ZNF276: variants seen among roughly 807,000 people sequenced by gnomAD.
ZNF276 encodes zinc finger protein 276.
A neutral mutation model predicts 63.9 loss-of-function variants in ZNF276; 59 were observed. The ratio of observed to expected loss-of-function variants is 0.92; its 90% confidence interval spans 0.75 to 1.15. The LOEUF is 1.15. Ranked by LOEUF, ZNF276 falls within the 50% of genes most tolerant of loss-of-function variation. ZNF276 has a pLI of 0.00. For synonymous variants in ZNF276, 496 were observed against 348.4 expected (o/e 1.42, Z -4.72); for missense variants, 1,084 against 843.8 (o/e 1.28, Z -3.53).
Position 89,738,331 on chromosome 16 carries a change from G to C in ZNF276, c.*85G>C, listed in dbSNP as rs1425905846. The C allele has an allele frequency of 1.3e-6, 2 of 1,498,136 alleles. No individual in the cohort carries two copies. Among genetic ancestry groups the C allele is most frequent in the Admixed American group, 2.1e-5 (1 of 48,346 alleles). 92.8% of individuals were successfully genotyped at this position (1,498,136 alleles called of 1,614,324 possible). ...TCACCCTTCGTGTGCACCCGCATGG[G>C]AGGGTCGGAGGGTGCTGCCCGCCCT... On this transcript the variant is annotated 3_prime_UTR_variant, in exon 11 of 11. Transcript: ENST00000443381.
intron 4 of ZNF276, among the ~76,000 whole-genome samples, chr16:89,724,876 C>T (rs147921746): frequency 7.2e-4 from 110 of 152,318 alleles, no homozygotes; most frequent in African/African-American, 2.1e-3. Flanking sequence ...ATCTACCTAC[C>T]TATCTGTATA....
At chr16:89,730,300 G>A (rs2061604322) in intron 6 of ZNF276, among the ~76,000 whole-genome samples, 1 of 152,150 alleles carries the variant, frequency 6.6e-6, no homozygotes, top group Non-Finnish European at 1.5e-5. Context: ...TCATGGCTGG[G>A]AGTGCCGCCT....
At chr16:89,736,698 G>A (rs1227781003) in intron 9 of ZNF276, among the ~76,000 whole-genome samples, 1 of 150,436 alleles carries the variant, frequency 6.6e-6, no homozygotes, top group African/African-American at 2.4e-5. Flanking sequence ...GAGAGGTTGA[G>A]GCAGGAGGAT....
chr16:89,733,182 G>A, intron 6 of ZNF276, 120 bp from the exon 7 acceptor site: 2 of 942,724 alleles, frequency 2.1e-6, no homozygotes, highest in South Asian at 1.6e-5. Flanking sequence ...CTGAGGGTCA[G>A]TCAGCACAGA....
At chr16:89,720,400 A>G, upstream of ZNF276, 1 of 1,005,182 alleles carries the variant, frequency 9.9e-7, no homozygotes, top group Non-Finnish European at 1.2e-6. Flanking sequence ...CAACCGGATT[A>G]AATCTACCAT....
chr16:89,735,695 G>T (rs1045513096), intron 9 of ZNF276, among the ~76,000 whole-genome samples: 1 of 152,066 alleles, frequency 6.6e-6, no homozygotes, highest in South Asian at 2.1e-4. Flanking sequence ...ACATAGTGAG[G>T]CCGTCTTTAC....
intron 5 of ZNF276, 115 bp from the exon 6 acceptor site, chr16:89,729,117 CAGA>C: frequency 1.2e-6 from 1 of 813,620 alleles, no homozygotes; most frequent in East Asian, 2.5e-5. Context: ...AAGACATTTT[CAGA>C]AGAACTCAAA....
In ZNF276 at chr16:89,723,157, C is replaced by T. The variant is rs141480299; in HGVS notation, c.530C>T (p.Thr177Ile). The T allele has an allele frequency of 7.4e-6, 12 of 1,613,140 alleles. No individual in the cohort carries two copies. Among genetic ancestry groups the T allele is most frequent in the Non-Finnish European group, 1.0e-5 (12 of 1,180,044 alleles). ...PCAKVGAQPP[T>I]GAEEGACLVD... Reference sequence around the variant, plus strand: ...TGCAGGGTCGGTGCCCAGCCCCCAACAGGGGCAGAGGAGGGAGCGTGTCTG... The same window carrying T: ...TGCAGGGTCGGTGCCCAGCCCCCAATAGGGGCAGAGGAGGGAGCGTGTCTG... Residue 177 changes from threonine to isoleucine, a missense_variant, in exon 3 of 11, where the codon ACA becomes ATA. Transcript: ENST00000443381.
At chr16:89,735,291 G>T (rs941446294) in intron 9 of ZNF276, among the ~76,000 whole-genome samples, 1 of 151,418 alleles carries the variant, frequency 6.6e-6, no homozygotes, top group African/African-American at 2.4e-5. Flanking sequence ...GTAAGGGGTG[G>T]GGGGGGGCCT....
chr16:89,720,842 TC>T (rs1420411881), upstream of ZNF276: 10 of 1,425,710 alleles, frequency 7.0e-6, no homozygotes, highest in South Asian at 2.8e-5. Flanking sequence ...CACCGTGCCG[TC>T]CCCGGCCGCA....
intron 8 of ZNF276, 97 bp downstream of exon 8, chr16:89,733,654 C>T: frequency 7.1e-7 from 1 of 1,406,528 alleles, no homozygotes; most frequent in South Asian, 1.2e-5. Context: ...GACTTGCGCC[C>T]AAGGACACTT....
intron 6 of ZNF276, 51 bp from the exon 7 acceptor site, chr16:89,733,251 T>C: frequency 6.5e-7 from 1 of 1,538,288 alleles, no homozygotes; most frequent in Non-Finnish European, 8.9e-7. Context: ...CAAAAAACAT[T>C]TTGCAAATGG....
rs1353422592 is a variant in ZNF276 at position 89,721,683 on chromosome 16, T to C, written c.43T>C (p.Ser15Pro). The C allele has an allele frequency of 1.4e-6, 2 of 1,429,150 alleles. No individual in the cohort carries two copies. The highest frequency in any genetic ancestry group is 1.8e-6 in the Non-Finnish European group (2 of 1,094,936). 88.5% of individuals were successfully genotyped at this position (1,429,150 alleles called of 1,614,324 possible). A position where few individuals can be genotyped will look rare whatever the true frequency, so the allele number is the denominator to read the frequency against. Residue 15 changes from serine (S) to proline (P), a missense_variant, in exon 1 of 11, where the codon TCC (serine) becomes CCC (proline). By Grantham distance (74) the Ser-to-Pro change is moderately conservative. Transcript: ENST00000443381. ...RLGRFLSPGS[S>P]RQCGASDGGG... ...GGGCCGCTTCCTGTCTCCTGGGTCG[T>C]CCCGACAGTGCGGGGCCTCGGACGG...
At chr16:89,720,962 G>A (rs2061249862), upstream of ZNF276, 1 of 1,128,262 alleles carries the variant, frequency 8.9e-7, no homozygotes, top group Non-Finnish European at 1.1e-6. Flanking sequence ...CCCGAGCAGC[G>A]GACCGCAGGA....
intron 4 of ZNF276, 130 bp from the exon 5 acceptor site, chr16:89,727,149 G>C (rs1416067116): frequency 4.2e-6 from 4 of 961,364 alleles, no homozygotes; most frequent in Non-Finnish European, 6.7e-6. Context: ...TGGGGCCATG[G>C]TGGGGAGAAC....
rs111481299 is a variant in ZNF276 at position 89,723,161 on chromosome 16, G to A, written c.534G>A (p.Gly178=). Residue 178 remains glycine, a synonymous_variant, in exon 3 of 11, where the codon GGG becomes GGA. Coordinates refer to ENST00000443381, the MANE Select transcript of ZNF276 (RefSeq NM_001113525.2). ...GGGTCGGTGCCCAGCCCCCAACAGG[G>A]GCAGAGGAGGGAGCGTGTCTGGGTG... The part of the protein sequence containing the change: ...CAKVGAQPPT[G]AEEGACLVDL... 1,838 of 1,613,242 alleles carry A rather than the reference G, an allele frequency of 1.1e-3. 23 individuals are homozygous for A. The African/African-American group carries it at 0.022, about 19-fold the overall frequency.
At position 89,724,211 on chromosome 16, in the gene ZNF276, C is replaced by G. The variant is rs186359771; in HGVS notation, c.1006+502C>G. Among the ~76,000 whole-genome samples, 43 of 152,342 alleles carry G rather than the reference C, an allele frequency of 2.8e-4. No homozygotes were observed. The Middle Eastern group carries it at 0.014, about 48-fold the overall frequency. On this transcript the variant is annotated intron_variant, in intron 4 of 10. Coordinates refer to ENST00000443381, the MANE Select transcript of ZNF276 (RefSeq NM_001113525.2). ...GGGAAACACAAGGCCCTTGTTTGGG[C>G]CCCAGAACCCATAGCACTGTGGGCT... is the stretch of plus-strand genomic sequence containing the variant.
intron 6 of ZNF276, among the ~76,000 whole-genome samples, chr16:89,730,261 G>A (rs1046213112): frequency 1.3e-5 from 2 of 152,146 alleles, no homozygotes; most frequent in Admixed American, 6.5e-5. Context: ...GTGCCCGGGG[G>A]TCCCTACCCC....
chr16:89,738,021 G>A lies in ZNF276; in HGVS notation c.1620G>A (p.Lys540=). Residue 540 remains lysine, a synonymous_variant, in exon 11 of 11, where the codon AAG becomes AAA. Transcript: ENST00000443381. ...AGTGCAGGCAGCGGGCATCCCTCAA[G>A]TACCACATGACCAAACACAAGGCTG... is the stretch of plus-strand genomic sequence containing the variant. ...GFQCRQRASL[K]YHMTKHKAET... is the part of the protein sequence containing the mutation. The A allele has an allele frequency of 6.2e-7, 1 of 1,614,130 alleles. No homozygotes were observed. Among genetic ancestry groups the A allele is most frequent in the Non-Finnish European group, 8.5e-7 (1 of 1,180,034 alleles).
Sources: gnomAD v4.1 joint callset for allele counts (sites outside exome capture counted in the v4.1 genomes callset) on GRCh38, gnomAD v4.1.1 for gene constraint, MANE v1.5 for transcripts, NCBI Gene and HGNC (gene_info 2026-07-23, HGNC 2026-07-21) for gene names.